PTPRM: variants seen among roughly 807,000 people sequenced by gnomAD.
The protein encoded by PTPRM is receptor-type tyrosine-protein phosphatase mu.
PTPRM carries 47 observed loss-of-function variants against 186.7 expected under a neutral mutation model. The observed-to-expected ratio is 0.25, with a 90% CI of 0.20 to 0.32. PTPRM has a LOEUF of 0.32. Among genes scored for constraint, PTPRM ranks in the 10% least tolerant of loss-of-function variants. The probability of loss-of-function intolerance (pLI) is 1.00; values close to 1 mark genes in which losing one functional copy is unlikely to be tolerated. For missense variants in PTPRM, 1,494 were observed against 1,865.0 expected (o/e 0.80, Z 3.66); for synonymous variants, 668 against 674.9 (o/e 0.99, Z 0.16).
At chr18:7,778,135 G>A (rs887733868) in intron 2 of PTPRM, among the ~76,000 whole-genome samples, 3 of 152,162 alleles carry the variant, frequency 2.0e-5, no homozygotes, top group African/African-American at 7.2e-5. Context: ...ATATCCTTAT[G>A]TGTGAGGTTA....
chr18:7,677,348 G>A (rs969233901), intron 1 of PTPRM, among the ~76,000 whole-genome samples: 2 of 152,188 alleles, frequency 1.3e-5, no homozygotes, highest in African/African-American at 4.8e-5. Flanking sequence ...AAGCTGACGA[G>A]TGATTACTGG....
intron 14 of PTPRM, among the ~76,000 whole-genome samples, chr18:8,232,166 A>G (rs1222115646): frequency 6.6e-6 from 1 of 152,218 alleles, no homozygotes; most frequent in Non-Finnish European, 1.5e-5. Context: ...TTGGAATAAT[A>G]AAATATTAGG....
chr18:8,378,817 A>G (rs2095712535), intron 27 of PTPRM, among the ~76,000 whole-genome samples: 1 of 152,092 alleles, frequency 6.6e-6, no homozygotes, highest in South Asian at 2.1e-4. Context: ...TATTCCTCAC[A>G]TATGCATTTT....
chr18:8,319,259 C>T (rs1417579960), intron 22 of PTPRM, 45 bp downstream of exon 22: 2 of 1,402,228 alleles, frequency 1.4e-6, no homozygotes, highest in Non-Finnish European at 2.0e-6. Flanking sequence ...TTCTTTTGCC[C>T]ACTTCCTATC....
At position 7,884,043 on chromosome 18, in the gene PTPRM, A is replaced by G. The variant is rs576786888; in HGVS notation, c.197-4063A>G. 6.3e-4 allele frequency among the ~76,000 whole-genome samples: 96 copies of G among 152,264 alleles called. 2 individuals are homozygous for G. The South Asian group carries it at 0.018, about 28-fold the overall frequency. ...ACACCTATGATCCCAGCTACTCGGG[A>G]GGCTGAAATGGGAGGATCACTTGAG... On this transcript the variant is annotated intron_variant, in intron 2 of 32. Transcript: ENST00000580170.
intron 20 of PTPRM, among the ~76,000 whole-genome samples, chr18:8,303,624 C>A (rs2095186149): frequency 6.6e-6 from 1 of 152,036 alleles, no homozygotes; most frequent in South Asian, 2.1e-4. Flanking sequence ...TAAATAAATC[C>A]CTGCCAGGAT....
intron 1 of PTPRM, among the ~76,000 whole-genome samples, chr18:7,618,826 G>A (rs2037869243): frequency 6.6e-6 from 1 of 152,220 alleles, no homozygotes; most frequent in Non-Finnish European, 1.5e-5. Context: ...AGAAGTGATT[G>A]CATTAAATCC....
At chr18:7,872,209 A>G (rs1202070753) in intron 2 of PTPRM, among the ~76,000 whole-genome samples, 1 of 152,196 alleles carries the variant, frequency 6.6e-6, no homozygotes, top group Non-Finnish European at 1.5e-5. Flanking sequence ...GTTCTTTCAC[A>G]TATTTTAGGC....
At chr18:8,256,367 A>G (rs1276607358) in intron 19 of PTPRM, among the ~76,000 whole-genome samples, 1 of 152,248 alleles carries the variant, frequency 6.6e-6, no homozygotes, top group African/African-American at 2.4e-5. Context: ...TTCCAAATCT[A>G]TAAATAGAAT....
At chr18:8,140,149 G>A (rs1268613916) in intron 13 of PTPRM, among the ~76,000 whole-genome samples, 2 of 152,166 alleles carry the variant, frequency 1.3e-5, no homozygotes, top group Non-Finnish European at 2.9e-5. Context: ...CACTCGGGGT[G>A]AAAGCAGCCC....
chr18:7,797,189 T>C (rs1415622170), intron 2 of PTPRM, among the ~76,000 whole-genome samples: 1 of 152,234 alleles, frequency 6.6e-6, no homozygotes, highest in Non-Finnish European at 1.5e-5. Context: ...GCCTCATCTC[T>C]TGTGACCCTG....
At chr18:8,049,049 A>G (rs982519149) in intron 7 of PTPRM, among the ~76,000 whole-genome samples, 1 of 151,774 alleles carries the variant, frequency 6.6e-6, no homozygotes, top group African/African-American at 2.4e-5. Flanking sequence ...GTTCTGAAAA[A>G]CTCTGTGAAA....
At chr18:8,128,225 A>G (rs1433447715) in intron 13 of PTPRM, among the ~76,000 whole-genome samples, 1 of 152,196 alleles carries the variant, frequency 6.6e-6, no homozygotes, top group Non-Finnish European at 1.5e-5. Flanking sequence ...TAAAACTACC[A>G]TTTTCCAACT....
intron 4 of PTPRM, among the ~76,000 whole-genome samples, chr18:7,907,681 C>T (rs1338984428): frequency 2.0e-5 from 3 of 152,088 alleles, no homozygotes; most frequent in Non-Finnish European, 4.4e-5. Context: ...TGGCTTTTCC[C>T]ACTCTGTCAA....
In PTPRM at chr18:8,172,748, G is replaced by A. The variant is rs151125294; in HGVS notation, c.2300+28969G>A. 1.9e-3 allele frequency among the ~76,000 whole-genome samples: 285 copies of A among 151,648 alleles called. 1 individual carries two copies. The highest frequency in any genetic ancestry group is 6.4e-3 in the African/African-American group (265 of 41,384). On this transcript the variant is annotated intron_variant, in intron 14 of 32. Transcript: ENST00000580170. ...TCTGCTTAACCTCAGCCCATTTGAA[G>A]CAGAAAGAAAATTGCAGGGAAACCC...
At chr18:7,913,625 T>G (rs985271559) in intron 4 of PTPRM, among the ~76,000 whole-genome samples, 11 of 152,208 alleles carry the variant, frequency 7.2e-5, no homozygotes, top group Non-Finnish European at 1.3e-4. Flanking sequence ...TGATTGATTT[T>G]GGGATGTTAA....
intron 32 of PTPRM, 75 bp from the exon 33 acceptor site, chr18:8,406,034 A>G: frequency 7.7e-7 from 1 of 1,301,610 alleles, no homozygotes. Flanking sequence ...TTAAGACCCT[A>G]CTCTATGGTA....
chr18:8,391,475 A>G (rs2095812351), intron 31 of PTPRM, among the ~76,000 whole-genome samples: 2 of 152,248 alleles, frequency 1.3e-5, no homozygotes, highest in Non-Finnish European at 2.9e-5. Context: ...ACAGAGTGAA[A>G]TAAGCCAGTC....
At chr18:7,887,314 C>G (rs965730523) in intron 2 of PTPRM, among the ~76,000 whole-genome samples, 3 of 152,168 alleles carry the variant, frequency 2.0e-5, no homozygotes, top group African/African-American at 4.8e-5. Context: ...CCTCAACACT[C>G]ATGGGTAGGT....
Sources: allele counts gnomAD v4.1 joint callset (sites outside exome capture counted in the v4.1 genomes callset), GRCh38; gene constraint gnomAD v4.1.1; transcripts MANE v1.5; gene names NCBI Gene and HGNC (gene_info 2026-07-23, HGNC 2026-07-21).